WWOX: variants seen among roughly 807,000 people sequenced by gnomAD.
WWOX encodes WW domain-containing oxidoreductase.
Under a neutral mutation model 46.2 loss-of-function variants are expected in WWOX, and 69 were observed. The observed-to-expected ratio is 1.49, with a 90% CI of 1.23 to 1.82. WWOX has a LOEUF of 1.82. Among genes scored for constraint, WWOX ranks in the 40% most tolerant of loss-of-function variants. The probability of loss-of-function intolerance (pLI) is 0.00; values close to 1 mark genes in which losing one functional copy is unlikely to be tolerated. For synonymous variants in WWOX, 359 were observed against 202.6 expected (o/e 1.77, Z -6.56); for missense variants, 919 against 542.6 (o/e 1.69, Z -6.89).
chr16:78,848,949 T>C (rs148897690), intron 8 of WWOX, among the ~76,000 whole-genome samples: 1 of 152,182 alleles, frequency 6.6e-6, no homozygotes, highest in Admixed American at 6.5e-5. Context: ...CATATTTCTA[T>C]TTAGGGGTAA....
At chr16:78,906,509 G>A (rs191727589) in intron 8 of WWOX, among the ~76,000 whole-genome samples, 76 of 152,208 alleles carry the variant, frequency 5.0e-4, no homozygotes, top group African/African-American at 1.8e-3. Context: ...CTTGTGCTGT[G>A]CAAAATCAGG....
chr16:78,757,043 C>G, intron 8 of WWOX: 1 of 702,814 alleles, frequency 1.4e-6, no homozygotes, highest in East Asian at 2.7e-5. Flanking sequence ...GAAGTTGATT[C>G]TGCAGCCCTA....
At chr16:78,716,951 C>A (rs186578936) in intron 8 of WWOX, among the ~76,000 whole-genome samples, 66 of 152,292 alleles carry the variant, frequency 4.3e-4, no homozygotes, top group Non-Finnish European at 1.5e-5. Flanking sequence ...TTCCCAAGAT[C>A]AGAGGATAAG....
chr16:78,411,162 C>T (rs985180868), intron 6 of WWOX, among the ~76,000 whole-genome samples: 1 of 152,144 alleles, frequency 6.6e-6, no homozygotes, highest in Non-Finnish European at 1.5e-5. Flanking sequence ...GTCTCACCCA[C>T]CCTTGAGGTG....
chr16:78,818,420 G>C (rs530417075), intron 8 of WWOX, among the ~76,000 whole-genome samples: 1 of 152,322 alleles, frequency 6.6e-6, no homozygotes, highest in African/African-American at 2.4e-5. Context: ...GCAGTAGAAA[G>C]CCCTAGGACA....
At position 78,386,909 on chromosome 16, in the gene WWOX, G is replaced by A. The variant is rs776354746; in HGVS notation, c.566G>A (p.Ser189Asn). 6.2e-6 allele frequency: 10 copies of A among 1,613,970 alleles called. No homozygotes were observed. Among genetic ancestry groups the A allele is most frequent in the Middle Eastern group, 1.6e-4 (1 of 6,084 alleles). Residue 189 changes from serine (S) to asparagine (N), a missense_variant, in exon 6 of 9, where the codon AGC becomes AAC. Physicochemically the swap from Ser to Asn is conservative, Grantham distance 46. Coordinates refer to ENST00000566780, the MANE Select transcript of WWOX (RefSeq NM_016373.4). ...AMTLDLALLR[S>N]VQHFAEAFKA... ...ACCCTGGACCTCGCTCTGCTCCGTA[G>A]CGTGCAGCATTTTGCTGAAGCATTC...
intron 8 of WWOX, among the ~76,000 whole-genome samples, chr16:78,758,194 A>G (rs1308961628): frequency 1.3e-5 from 2 of 152,232 alleles, no homozygotes; most frequent in African/African-American, 4.8e-5. Flanking sequence ...GATTTGCCAC[A>G]TATAGATGAA....
At chr16:78,185,996 G>A (rs1209436956) in intron 5 of WWOX, among the ~76,000 whole-genome samples, 4 of 152,094 alleles carry the variant, frequency 2.6e-5, no homozygotes, top group African/African-American at 9.7e-5. Context: ...ACTTAAAGGC[G>A]GTGGCTAGCT....
chr16:79,140,955 A>G (rs2050078008), intron 8 of WWOX, among the ~76,000 whole-genome samples: 1 of 152,172 alleles, frequency 6.6e-6, no homozygotes, highest in Non-Finnish European at 1.5e-5. Context: ...CTGACTTTCA[A>G]CAGGAGGAAA....
chr16:78,538,344 G>C (rs891915597), intron 8 of WWOX, among the ~76,000 whole-genome samples: 1 of 151,768 alleles, frequency 6.6e-6, no homozygotes. Context: ...ACGGCTGCCA[G>C]CGCTCTATAC....
At chr16:78,575,270 T>A (rs1437677685) in intron 8 of WWOX, among the ~76,000 whole-genome samples, 1 of 149,660 alleles carries the variant, frequency 6.7e-6, no homozygotes, top group African/African-American at 2.4e-5. Context: ...ACTTTTTATT[T>A]TTTTTCAAAG....
chr16:78,111,851 TTC>T, intron 3 of WWOX: 2 of 172,906 alleles, frequency 1.2e-5, no homozygotes, highest in Non-Finnish European at 2.4e-5. Context: ...GTATGCTGCC[TTC>T]TCTCTCTGCT....
intron 8 of WWOX, among the ~76,000 whole-genome samples, chr16:78,736,714 C>T (rs2049100563): frequency 6.6e-6 from 1 of 152,146 alleles, no homozygotes; most frequent in Admixed American, 6.5e-5. Context: ...CCTCCCACCT[C>T]AACGTCCTGA....
intron 8 of WWOX, among the ~76,000 whole-genome samples, chr16:78,929,804 A>C (rs1002676862): frequency 1.3e-5 from 2 of 152,194 alleles, no homozygotes; most frequent in Non-Finnish European, 1.5e-5. Flanking sequence ...GCAATGCCAT[A>C]AATCCAAGAA....
At chr16:78,789,730 A>G (rs936350883) in intron 8 of WWOX, among the ~76,000 whole-genome samples, 1 of 152,216 alleles carries the variant, frequency 6.6e-6, no homozygotes, top group Admixed American at 6.5e-5. Context: ...AACAGTCATC[A>G]GCTCTTGTGA....
intron 8 of WWOX, among the ~76,000 whole-genome samples, chr16:78,912,461 A>C (rs1000922073): frequency 1.3e-5 from 2 of 151,902 alleles, no homozygotes; most frequent in African/African-American, 4.8e-5. Flanking sequence ...CTGCGTCTTC[A>C]CCCAAAGCCA....
At chr16:78,822,791 T>C (rs1261689618) in intron 8 of WWOX, among the ~76,000 whole-genome samples, 1 of 152,158 alleles carries the variant, frequency 6.6e-6, no homozygotes, top group East Asian at 1.9e-4. Context: ...CTTAAGGAAG[T>C]CTACTTTCTC....
chr16:78,326,976 G>A (rs1165291086), intron 5 of WWOX, among the ~76,000 whole-genome samples: 1 of 152,090 alleles, frequency 6.6e-6, no homozygotes, highest in African/African-American at 2.4e-5. Flanking sequence ...TTTTTCTGAA[G>A]TTCCCCAGAG....
At chr16:78,524,050 G>C (rs1351479360) in intron 8 of WWOX, among the ~76,000 whole-genome samples, 8 of 151,928 alleles carry the variant, frequency 5.3e-5, no homozygotes, top group Non-Finnish European at 5.9e-5. Context: ...TTAAATTGTG[G>C]TGATTCCAAT....
Sources: gnomAD v4.1 joint callset for allele counts (sites outside exome capture counted in the v4.1 genomes callset) on GRCh38, gnomAD v4.1.1 for gene constraint, MANE v1.5 for transcripts, NCBI Gene and HGNC (gene_info 2026-07-23, HGNC 2026-07-21) for gene names.